The following TMCC1 variants were observed in gnomAD, a reference collection of about 807,000 sequenced individuals.
TMCC1 encodes the protein transmembrane and coiled-coil domain family 1, also known as transmembrane and coiled-coil domains protein 1.
A neutral mutation model predicts 52.4 loss-of-function variants in TMCC1; 15 were observed. That is an observed-to-expected ratio of 0.29 (90% CI 0.19 to 0.44). TMCC1 has a LOEUF of 0.44. TMCC1 is among the 20% of genes least tolerant of loss of function. The pLI is 1.00. For synonymous variants in TMCC1, 279 were observed against 301.9 expected, an observed-to-expected ratio of 0.92 and a Z score of 0.79; for missense variants, 503 against 806.0, an observed-to-expected ratio of 0.62 and a Z score of 4.55.
At chr3:129,717,603 C>A (rs1197699850) in intron 4 of TMCC1, among the ~76,000 whole-genome samples, 1 of 152,212 alleles carries the variant, frequency 6.6e-6, no homozygotes, top group African/African-American at 2.4e-5. Context: ...GCATTTACAT[C>A]TCAGTTAATG....
At chr3:129,784,544 T>C (rs1425016086) in intron 4 of TMCC1, among the ~76,000 whole-genome samples, 2 of 148,900 alleles carry the variant, frequency 1.3e-5, no homozygotes, top group Admixed American at 6.8e-5. Context: ...CCAGCCTGGG[T>C]GACAGAGCGA....
At chr3:129,709,497 A>AAGAGAGAGAG (rs59129244) in intron 4 of TMCC1, among the ~76,000 whole-genome samples, 3 of 64,030 alleles carry the variant, frequency 4.7e-5, no homozygotes, top group African/African-American at 2.0e-4. Flanking sequence ...AAAAAAAAAA[A>AAGAGAGAGAG]AGAGAGAGAG....
At chr3:129,849,564 A>C (rs2059818677) in intron 2 of TMCC1, among the ~76,000 whole-genome samples, 1 of 151,882 alleles carries the variant, frequency 6.6e-6, no homozygotes, top group Non-Finnish European at 1.5e-5. Flanking sequence ...GGAGATCGAG[A>C]CCATCCTGGC....
intron 4 of TMCC1, among the ~76,000 whole-genome samples, chr3:129,776,890 C>G (rs566169076): frequency 6.6e-6 from 1 of 152,282 alleles, no homozygotes; most frequent in South Asian, 2.1e-4. Context: ...TCACCTCAGC[C>G]TCCTAAAATG....
chr3:129,822,734 T>C (rs1188984477), intron 4 of TMCC1, among the ~76,000 whole-genome samples: 1 of 152,158 alleles, frequency 6.6e-6, no homozygotes, highest in African/African-American at 2.4e-5. Context: ...TAATTAACTG[T>C]ATAACTTCAG....
At chr3:129,709,629 T>G (rs189955969) in intron 4 of TMCC1, among the ~76,000 whole-genome samples, 5 of 152,158 alleles carry the variant, frequency 3.3e-5, no homozygotes, top group African/African-American at 1.2e-4. Context: ...AAATCTATAC[T>G]AGGTAGGTAA....
intron 4 of TMCC1, among the ~76,000 whole-genome samples, chr3:129,767,799 A>G (rs1445615123): frequency 6.6e-6 from 1 of 152,230 alleles, no homozygotes; most frequent in Non-Finnish European, 1.5e-5. Flanking sequence ...TTTAAAGTTC[A>G]TCCTTGTTAT....
chr3:129,812,761 T>C (rs369503916), intron 4 of TMCC1, among the ~76,000 whole-genome samples: 1 of 152,132 alleles, frequency 6.6e-6, no homozygotes, highest in South Asian at 2.1e-4. Context: ...ACATAGGACC[T>C]GGCAAAGACT....
intron 2 of TMCC1, among the ~76,000 whole-genome samples, chr3:129,861,916 C>T (rs1171434387): frequency 6.6e-6 from 1 of 152,108 alleles, no homozygotes; most frequent in Non-Finnish European, 1.5e-5. Context: ...ACGTTCCTAA[C>T]AGCATTATTC....
chr3:129,727,211 C>G (rs2050176532), intron 4 of TMCC1, among the ~76,000 whole-genome samples: 1 of 152,106 alleles, frequency 6.6e-6, no homozygotes, highest in South Asian at 2.1e-4. Flanking sequence ...TTTGGTATTC[C>G]TGCCTTATAG....
chr3:129,701,455 C>T (rs1459369988), intron 4 of TMCC1, among the ~76,000 whole-genome samples: 1 of 152,054 alleles, frequency 6.6e-6, no homozygotes, highest in Non-Finnish European at 1.5e-5. Flanking sequence ...TAAAAGCGAA[C>T]CCCCATAACC....
intron 1 of TMCC1, among the ~76,000 whole-genome samples, chr3:129,882,939 T>C (rs778310424): frequency 2.0e-4 from 31 of 152,144 alleles, no homozygotes; most frequent in Non-Finnish European, 3.7e-4. Context: ...TGGATGATAG[T>C]GATGGTTGCA....
chr3:129,879,567 C>A (rs1202119783), intron 2 of TMCC1, among the ~76,000 whole-genome samples: 2 of 152,192 alleles, frequency 1.3e-5, no homozygotes, highest in Non-Finnish European at 2.9e-5. Context: ...ATTTTCTTAT[C>A]TGATTCTCAA....
At chr3:129,693,607 C>T (rs1257983587) in intron 4 of TMCC1, among the ~76,000 whole-genome samples, 2 of 150,214 alleles carry the variant, frequency 1.3e-5, no homozygotes, top group African/African-American at 4.9e-5. Context: ...ACCTCAGTCT[C>T]CCAAAGTGCT....
At chr3:129,693,334 A>C (rs2047160538) in intron 4 of TMCC1, among the ~76,000 whole-genome samples, 1 of 152,108 alleles carries the variant, frequency 6.6e-6, no homozygotes, top group Non-Finnish European at 1.5e-5. Context: ...GAAAGAACAA[A>C]GGTTCTTTAC....
At chr3:129,653,336 G>C (rs1414947357) in intron 6 of TMCC1, among the ~76,000 whole-genome samples, 2 of 152,288 alleles carry the variant, frequency 1.3e-5, no homozygotes, top group Non-Finnish European at 2.9e-5. Context: ...GACATCAGTG[G>C]AAAGGGATCT....
rs543139541 is a variant in TMCC1 at position 129,805,495 on chromosome 3, T to C, written c.576+22308A>G. Among the ~76,000 whole-genome samples, 11 of 152,310 alleles carry C rather than the reference T, an allele frequency of 7.2e-5. No homozygotes were observed. In the South Asian group the frequency reaches 8.3e-4, roughly 11 times the overall value. The stretch of plus-strand genomic sequence containing the variant: ...AAAGATTATTCTGTCTATGACACTG[T>C]AGGCCAATGAAAAGGAAAGATTTTA... On this transcript the variant is annotated intron_variant, in intron 4 of 6. Coordinates refer to ENST00000393238, the MANE Select transcript of TMCC1 (RefSeq NM_001017395.5).
intron 4 of TMCC1, among the ~76,000 whole-genome samples, chr3:129,823,320 C>A (rs1456564093): frequency 1.3e-5 from 1 of 78,638 alleles, no homozygotes; most frequent in East Asian, 4.9e-4. Flanking sequence ...GAGCGAAATT[C>A]CATCTCAAAC....
At chr3:129,801,447 G>T (rs1176787111) in intron 4 of TMCC1, among the ~76,000 whole-genome samples, 1 of 151,950 alleles carries the variant, frequency 6.6e-6, no homozygotes, top group Non-Finnish European at 1.5e-5. Context: ...ATACACGCCT[G>T]TTTTTGTTTT....
Sources: gnomAD v4.1 joint callset for allele counts (sites outside exome capture counted in the v4.1 genomes callset) on GRCh38, gnomAD v4.1.1 for gene constraint, MANE v1.5 for transcripts, NCBI Gene and HGNC (gene_info 2026-07-23, HGNC 2026-07-21) for gene names.